EFCAB13: variants seen among roughly 807,000 people sequenced by gnomAD.
EFCAB13 encodes the protein EF-hand calcium-binding domain-containing protein 13.
In EFCAB13, 91 loss-of-function variants were observed where a neutral mutation model predicts 110.2. The ratio of observed to expected loss-of-function variants is 0.83; its 90% CI spans 0.70 to 0.98. EFCAB13 has a LOEUF of 0.98. Ranked by LOEUF, EFCAB13 falls within the 50% of genes least tolerant of loss-of-function variation. The probability of loss-of-function intolerance (pLI) is 0.00; values close to 1 mark genes in which losing one functional copy is unlikely to be tolerated. For missense variants in EFCAB13, 968 were observed against 1,119.4 expected (o/e 0.86, Z 1.93); for synonymous variants, 323 against 369.9 (o/e 0.87, Z 1.45).
intron 5 of EFCAB13, 76 bp from the exon 6 acceptor site, chr17:47,341,845 A>C: frequency 1.2e-6 from 1 of 860,948 alleles, no homozygotes; most frequent in Non-Finnish European, 1.8e-6. Flanking sequence ...ATATGTTAGA[A>C]AATTTCCATA....
At chr17:47,381,217 AAATTTGTTTAAGT>A (rs2065645962) in intron 14 of EFCAB13, among the ~76,000 whole-genome samples, 1 of 151,232 alleles carries the variant, frequency 6.6e-6, no homozygotes, top group African/African-American at 2.4e-5. Context: ...TTTTTCTTGT[AAATTTGTTTAAGT>A]GCTTTGTAGA....
At chr17:47,421,624 T>TAA (rs55780288) in intron 23 of EFCAB13, among the ~76,000 whole-genome samples, 10 of 123,030 alleles carry the variant, frequency 8.1e-5, no homozygotes, top group East Asian at 2.4e-4. Flanking sequence ...GAATGAGCAA[T>TAA]AAAAAAAAGA....
intron 2 of EFCAB13, among the ~76,000 whole-genome samples, chr17:47,324,745 G>GT (rs1319284191): frequency 2.0e-5 from 3 of 151,928 alleles, no homozygotes; most frequent in Non-Finnish European, 4.4e-5. Flanking sequence ...GTCATACAGA[G>GT]TCATGCTTCA....
Position 47,440,731 on chromosome 17 carries a change from G to A in EFCAB13, c.*17G>A, listed in dbSNP as rs755907261. The A allele has an allele frequency of 1.2e-4, 180 of 1,515,800 alleles. No homozygotes were observed. The highest frequency in any genetic ancestry group is 1.5e-4 in the Non-Finnish European group (176 of 1,136,298). The allele number at this position is 1,515,800 out of a possible 1,614,324, so 93.9% of individuals were successfully genotyped here. ...AAATTTTAGGTAGTCTTACTTGATA[G>A]TGCTAGAAAATTACTAGATTATATA... On this transcript the variant is annotated 3_prime_UTR_variant, in exon 25 of 25. Coordinates refer to ENST00000331493, the MANE Select transcript of EFCAB13 (RefSeq NM_152347.5).
intron 7 of EFCAB13, 108 bp downstream of exon 7, chr17:47,344,400 T>C: frequency 7.6e-7 from 1 of 1,319,548 alleles, no homozygotes; most frequent in South Asian, 1.4e-5. Flanking sequence ...TAGTTTATGC[T>C]AATTATGCTG....
At position 47,374,879 on chromosome 17, in the gene EFCAB13, C is replaced by G. The variant is rs1385046394; in HGVS notation, c.1285C>G (p.Pro429Ala). The part of the protein sequence containing the change: ...SLDKSDISSI[P>A]KLQKPAVRKH... ...GGATAAAAGTGATATTTCTAGTATC[C>G]CAAAACTTCAGAAGCCAGCTGTAAG... The change falls in exon 12 of 25, where the codon CCA becomes GCA. Residue 429 changes from proline to alanine, a missense_variant. Physicochemically the swap from Pro to Ala is conservative, Grantham distance 27. Coordinates refer to ENST00000331493, the MANE Select transcript of EFCAB13 (RefSeq NM_152347.5). The G allele has an allele frequency of 6.2e-7, 1 of 1,611,042 alleles. No homozygotes were observed. The highest frequency in any genetic ancestry group is 8.5e-7 in the Non-Finnish European group (1 of 1,179,262).
intron 17 of EFCAB13, among the ~76,000 whole-genome samples, chr17:47,397,239 C>T (rs1274661505): frequency 1.3e-5 from 2 of 152,184 alleles, no homozygotes; most frequent in Non-Finnish European, 2.9e-5. Context: ...GTCTCCAGCT[C>T]CTAGCCGCGA....
intron 15 of EFCAB13, 36 bp from the exon 16 acceptor site, chr17:47,393,989 A>G (rs1302603021): frequency 7.8e-7 from 1 of 1,288,732 alleles, no homozygotes; most frequent in African/African-American, 1.5e-5. Context: ...ATAATACTTA[A>G]AAGATGCCAA....
At chr17:47,380,824 T>C (rs998699806) in intron 14 of EFCAB13, among the ~76,000 whole-genome samples, 3 of 152,108 alleles carry the variant, frequency 2.0e-5, no homozygotes, top group Non-Finnish European at 2.9e-5. Context: ...ATTTCTCTAA[T>C]GACCAGTGAT....
chr17:47,325,958 AT>A (rs1422849322), intron 2 of EFCAB13, among the ~76,000 whole-genome samples: 2 of 115,360 alleles, frequency 1.7e-5, no homozygotes, highest in Non-Finnish European at 1.9e-5. Context: ...ATATATATAT[AT>A]ATAGCATATA....
In EFCAB13 at chr17:47,377,755, T is replaced by C. The variant is rs1262108858; in HGVS notation, c.1373-11T>C. 4 of 1,558,684 alleles carry C rather than the reference T, an allele frequency of 2.6e-6. No homozygotes were observed. The African/African-American group carries it at 4.2e-5, about 16-fold the overall frequency. ...TGTTGCCTAATAGTTCTCTACATTT[T>C]GTGTATTTAGAAAACTTCTGTGAAG... On this transcript the variant is annotated splice_polypyrimidine_tract_variant and intron_variant, in intron 12 of 24. Coordinates refer to ENST00000331493, the MANE Select transcript of EFCAB13 (RefSeq NM_152347.5).
intron 18 of EFCAB13, among the ~76,000 whole-genome samples, chr17:47,402,705 G>C (rs2143446451): frequency 6.6e-6 from 1 of 152,304 alleles, no homozygotes; most frequent in South Asian, 2.1e-4. Flanking sequence ...ATTATCATTG[G>C]ATGATATTGG....
intron 10 of EFCAB13, among the ~76,000 whole-genome samples, chr17:47,362,522 G>C (rs1311540541): frequency 6.6e-6 from 1 of 152,164 alleles, no homozygotes; most frequent in East Asian, 1.9e-4. Flanking sequence ...GGGGAGTTTA[G>C]AGAAGACTCT....
intron 9 of EFCAB13, 55 bp from the exon 10 acceptor site, chr17:47,361,322 CT>C: frequency 6.4e-7 from 1 of 1,572,828 alleles, no homozygotes. Flanking sequence ...ACAAAATCAA[CT>C]GCTTTTCCAA....
At chr17:47,429,989 T>C (rs769139900) in intron 24 of EFCAB13, 28 bp downstream of exon 24, 14 of 1,562,348 alleles carry the variant, frequency 9.0e-6, no homozygotes, top group Non-Finnish European at 9.6e-6. Flanking sequence ...GTCTATCTTA[T>C]AAGGACCATC....
At chr17:47,335,125 G>T in intron 4 of EFCAB13, 71 bp from the exon 5 acceptor site, 1 of 1,401,220 alleles carries the variant, frequency 7.1e-7, no homozygotes, top group Non-Finnish European at 9.5e-7. Flanking sequence ...ATGAATGATT[G>T]ACCCAGAATG....
chr17:47,370,504 T>C lies in EFCAB13; in HGVS notation c.873T>C (p.Asp291=), dbSNP rs769162443. 6 of 1,596,644 alleles carry C rather than the reference T, an allele frequency of 3.8e-6. No individual in the cohort carries two copies. In the African/African-American group the frequency reaches 8.1e-5, roughly 21 times the overall value. Residue 291 remains aspartate (D), a synonymous_variant, in exon 11 of 25, where the codon GAT becomes GAC. Coordinates refer to ENST00000331493, the MANE Select transcript of EFCAB13 (RefSeq NM_152347.5). ...ATGAGCTACAGGAACAGTATGAGGA[T>C]GTTTGTAAGTGAGCTCTTGTTGCTA... ...TLNELQEQYE[D]VSITEGSPLN... is the part of the protein sequence containing the mutation.
chr17:47,333,186 T>C lies in EFCAB13; in HGVS notation c.31-2010T>C, dbSNP rs145437498. ...ATTTTATTTTGCATTTCCCTAATAA[T>C]TAGTGATATTGAGCATTTTTTCACA... On this transcript the variant is annotated intron_variant, in intron 4 of 24. Transcript: ENST00000331493. 1.4e-4 allele frequency among the ~76,000 whole-genome samples: 21 copies of C among 152,264 alleles called. No individual in the cohort carries two copies. The East Asian group carries it at 4.0e-3, about 29-fold the overall frequency.
At chr17:47,340,762 G>A (rs977547619) in intron 5 of EFCAB13, among the ~76,000 whole-genome samples, 2 of 137,086 alleles carry the variant, frequency 1.5e-5, no homozygotes, top group Non-Finnish European at 3.1e-5. Flanking sequence ...ACCACACCTG[G>A]CTAATTTTTT....
Sources: gnomAD v4.1 joint callset for allele counts (sites outside exome capture counted in the v4.1 genomes callset) on GRCh38, gnomAD v4.1.1 for gene constraint, MANE v1.5 for transcripts, NCBI Gene and HGNC (gene_info 2026-07-23, HGNC 2026-07-21) for gene names.